Variants in LMBR1 observed in about 807,000 individuals in gnomAD.
LMBR1 encodes the protein limb region 1 protein homolog.
LMBR1 carries 52 observed loss-of-function variants against 73.9 expected under a neutral mutation model. The ratio of observed to expected loss-of-function variants is 0.70; its 90% CI spans 0.56 to 0.89. LMBR1 has a LOEUF of 0.89. Among genes scored for constraint, LMBR1 ranks in the 40% least tolerant of loss-of-function variants. LMBR1 has a pLI of 0.00. For synonymous variants in LMBR1, 215 were observed against 209.4 expected, an observed-to-expected ratio of 1.03 and a Z score of -0.23; for missense variants, 539 against 579.8, an observed-to-expected ratio of 0.93 and a Z score of 0.72.
chr7:156,871,970 C>T (rs1257797328), intron 1 of LMBR1: 2 of 152,166 alleles, frequency 1.3e-5, no homozygotes, highest in African/African-American at 2.4e-5. Context: ...AAATAAAACG[C>T]ATTCAAATCG....
At chr7:156,892,558 A>C in intron 1 of LMBR1, 2 of 171,144 alleles carry the variant, frequency 1.2e-5, no homozygotes, top group Non-Finnish European at 1.2e-5. Context: ...CCAGAGAGGA[A>C]GCCCCTGGGG....
At chr7:156,808,891 A>C (rs970623317) in intron 4 of LMBR1, among the ~76,000 whole-genome samples, 3 of 152,188 alleles carry the variant, frequency 2.0e-5, no homozygotes, top group African/African-American at 7.2e-5. Context: ...AAAAAAAGAT[A>C]ACACTTCACG....
At chr7:156,733,803 G>C (rs1817321535) in intron 10 of LMBR1, 1 of 156,108 alleles carries the variant, frequency 6.4e-6, no homozygotes, top group Non-Finnish European at 1.4e-5. Flanking sequence ...ACTACTCTGA[G>C]GCGTATCACA....
chr7:156,826,153 T>C (rs2133815226), intron 4 of LMBR1, among the ~76,000 whole-genome samples: 1 of 152,236 alleles, frequency 6.6e-6, no homozygotes, highest in South Asian at 2.1e-4. Context: ...CTAATTTTTA[T>C]ATTTTTAGTA....
At chr7:156,804,267 G>A (rs187688790) in intron 4 of LMBR1, among the ~76,000 whole-genome samples, 23 of 152,294 alleles carry the variant, frequency 1.5e-4, no homozygotes, top group African/African-American at 5.5e-4. Flanking sequence ...AGATTAGATT[G>A]AATCGCTATT....
At chr7:156,717,768 CAGAA>C (rs2132276863) in intron 15 of LMBR1, among the ~76,000 whole-genome samples, 1 of 152,238 alleles carries the variant, frequency 6.6e-6, no homozygotes, top group Non-Finnish European at 1.5e-5. Context: ...TAAGAGTCAT[CAGAA>C]AGAAGGAGAA....
At chr7:156,782,140 T>C (rs1190853112) in intron 5 of LMBR1, among the ~76,000 whole-genome samples, 1 of 152,260 alleles carries the variant, frequency 6.6e-6, no homozygotes, top group African/African-American at 2.4e-5. Flanking sequence ...CGTTGTAGCA[T>C]GTGTCATAAT....
chr7:156,710,212 T>C (rs980119760), intron 15 of LMBR1, among the ~76,000 whole-genome samples: 3 of 151,892 alleles, frequency 2.0e-5, no homozygotes, highest in South Asian at 2.1e-4. Context: ...GCCCAGAAGG[T>C]TGATTATTAA....
chr7:156,784,099 G>A (rs1053076532), intron 5 of LMBR1, among the ~76,000 whole-genome samples: 1 of 150,722 alleles, frequency 6.6e-6, no homozygotes, highest in African/African-American at 2.5e-5. Context: ...ATGCATTTCT[G>A]GCAATACTGA....
At position 156,864,995 on chromosome 7, in the gene LMBR1, C is replaced by CAAA. The variant is rs1183278800; in HGVS notation, c.66+27930_66+27932dup. Among the ~76,000 whole-genome samples the CAAA allele has an allele frequency of 2.7e-4, 26 of 95,248 alleles. 1 individual carries two copies. Among genetic ancestry groups the CAAA allele is most frequent in the African/African-American group, 4.5e-4 (11 of 24,404 alleles). The allele number at this position is 95,248 out of a possible 152,430, so 62.5% of individuals were successfully genotyped here. A position where few individuals can be genotyped will look rare whatever the true frequency, so the allele number is the denominator to read the frequency against. ...TGGGTGACAGCGCGAGACTCTGTCT[C>CAAA]AAAAAAAAAAAAAAAAAGCAATTCC... On this transcript the variant is annotated intron_variant, in intron 1 of 16. Transcript: ENST00000353442.
intron 1 of LMBR1, among the ~76,000 whole-genome samples, chr7:156,884,710 G>A (rs190496204): frequency 7.9e-5 from 12 of 152,286 alleles, no homozygotes; most frequent in Admixed American, 7.8e-4. Flanking sequence ...AGCCCAATTT[G>A]TCCAACTACA....
intron 1 of LMBR1, among the ~76,000 whole-genome samples, chr7:156,890,679 G>C (rs1455510563): frequency 1.3e-5 from 2 of 152,068 alleles, no homozygotes; most frequent in African/African-American, 4.8e-5. Context: ...AAATTAAAAA[G>C]GACAGAAAAT....
At chr7:156,826,494 C>T in intron 4 of LMBR1, 111 bp downstream of exon 4, 1 of 667,840 alleles carries the variant, frequency 1.5e-6, no homozygotes, top group Non-Finnish European at 2.3e-6. Flanking sequence ...AAATCGTTTA[C>T]TGGAGGAAGT....
At chr7:156,752,512 G>A (rs541076164) in intron 9 of LMBR1, among the ~76,000 whole-genome samples, 2 of 152,280 alleles carry the variant, frequency 1.3e-5, no homozygotes, top group Admixed American at 6.5e-5. Context: ...CTAGGGGAGC[G>A]CTGGCATTAG....
In LMBR1 at chr7:156,753,000, G is replaced by T. The variant is rs12333917; in HGVS notation, c.757+3393C>A. 6.8e-3 allele frequency among the ~76,000 whole-genome samples: 1,031 copies of T among 152,258 alleles called. 8 individuals carry two copies. The highest frequency in any genetic ancestry group is 0.034 in the Middle Eastern group (10 of 294). Reference sequence around the variant, plus strand: ...GTGAGAAAAAGGTGTTAGGATCAGGGTATGTTAAATCTCCATACTGAGGAA... The same window carrying T: ...GTGAGAAAAAGGTGTTAGGATCAGGTTATGTTAAATCTCCATACTGAGGAA... On this transcript the variant is annotated intron_variant, in intron 9 of 16. Transcript: ENST00000353442.
chr7:156,860,016 A>C (rs1797509427), intron 1 of LMBR1, among the ~76,000 whole-genome samples: 1 of 152,236 alleles, frequency 6.6e-6, no homozygotes, highest in Admixed American at 6.5e-5. Context: ...TTTGTCAAAG[A>C]AGCAATGAAG....
intron 4 of LMBR1, chr7:156,822,530 G>T (rs1309133068): frequency 6.6e-6 from 1 of 151,986 alleles, no homozygotes; most frequent in South Asian, 2.1e-4. Flanking sequence ...GTACAGAAAA[G>T]AATATTCAAT....
At chr7:156,769,002 G>A (rs1338711474) in intron 5 of LMBR1, among the ~76,000 whole-genome samples, 1 of 152,142 alleles carries the variant, frequency 6.6e-6, no homozygotes, top group Non-Finnish European at 1.5e-5. Flanking sequence ...TGAGATATTC[G>A]CTTCTCCTCC....
intron 1 of LMBR1, among the ~76,000 whole-genome samples, chr7:156,849,311 C>G (rs1009346422): frequency 2.6e-5 from 4 of 152,122 alleles, no homozygotes; most frequent in African/African-American, 7.2e-5. Flanking sequence ...GGGCTAAATA[C>G]TGAGAACACA....
Sources: allele counts gnomAD v4.1 joint callset (sites outside exome capture counted in the v4.1 genomes callset), GRCh38; gene constraint gnomAD v4.1.1; transcripts MANE v1.5; gene names NCBI Gene and HGNC (gene_info 2026-07-23, HGNC 2026-07-21).